NALCN: variants seen among roughly 807,000 people sequenced by gnomAD.
NALCN encodes the protein sodium leak channel, non-selective.
In NALCN, 111 loss-of-function variants were observed where a neutral mutation model predicts 225.3. That is an observed-to-expected ratio of 0.49 (90% CI 0.42 to 0.58). NALCN has a LOEUF of 0.58. Among genes scored for constraint, NALCN ranks in the 20% least tolerant of loss-of-function variants. The probability of loss-of-function intolerance (pLI) is 0.00; values close to 1 mark genes in which losing one functional copy is unlikely to be tolerated. For synonymous variants in NALCN, 764 were observed against 769.0 expected, an observed-to-expected ratio of 0.99 and a Z score of 0.11; for missense variants, 1,378 against 2,202.4, an observed-to-expected ratio of 0.63 and a Z score of 7.49.
At chr13:101,261,091 G>T (rs1022754697) in intron 10 of NALCN, among the ~76,000 whole-genome samples, 1 of 152,010 alleles carries the variant, frequency 6.6e-6, no homozygotes, top group Non-Finnish European at 1.5e-5. Context: ...TCTGCATATG[G>T]ATGTCCAGGA....
intron 13 of NALCN, among the ~76,000 whole-genome samples, chr13:101,208,597 C>T (rs1365959458): frequency 6.6e-6 from 1 of 152,118 alleles, no homozygotes; most frequent in Non-Finnish European, 1.5e-5. Context: ...TTTCCAAATC[C>T]CATGTTGAAA....
intron 13 of NALCN, among the ~76,000 whole-genome samples, chr13:101,210,161 A>G (rs4318075): frequency 0.63 from 95,652 of 151,990 alleles, 31,092 homozygotes; most frequent in African/African-American, 0.8. Flanking sequence ...ATTTGCTTAG[A>G]GGGGGTCCCT....
At chr13:101,338,983 T>C (rs2045472694) in intron 7 of NALCN, among the ~76,000 whole-genome samples, 1 of 152,214 alleles carries the variant, frequency 6.6e-6, no homozygotes, top group African/African-American at 2.4e-5. Context: ...GACTGCATTA[T>C]CTGTTCCAGC....
At chr13:101,185,308 C>T (rs1440195343) in intron 14 of NALCN, among the ~76,000 whole-genome samples, 1 of 152,208 alleles carries the variant, frequency 6.6e-6, no homozygotes, top group Non-Finnish European at 1.5e-5. Flanking sequence ...GCTGCCACTA[C>T]CGAGGCAAAA....
At chr13:101,150,174 C>T (rs9513858) in intron 15 of NALCN, among the ~76,000 whole-genome samples, 115,280 of 151,592 alleles carry the variant, frequency 0.76, 44,140 homozygotes, top group East Asian at 1. Flanking sequence ...CTCCATTCCA[C>T]GTGGAGGAAG....
rs555083052 is a variant in NALCN at position 101,236,476 on chromosome 13, C to T, written c.1434+1279G>A. The stretch of plus-strand genomic sequence containing the variant: ...GACACATGCACACGTATGTTTATTG[C>T]GGCACTCTTCACAATAGGAAAGACT... On this transcript the variant is annotated intron_variant, in intron 12 of 43. Transcript: ENST00000251127. Among the ~76,000 whole-genome samples the T allele has an allele frequency of 5.1e-4, 77 of 151,944 alleles. 1 individual carries two copies. Among genetic ancestry groups the T allele is most frequent in the Non-Finnish European group, 2.5e-4 (17 of 67,998 alleles).
intron 14 of NALCN, among the ~76,000 whole-genome samples, chr13:101,191,589 T>C (rs757721116): frequency 1.1e-4 from 17 of 152,296 alleles, no homozygotes; most frequent in Non-Finnish European, 1.3e-4. Context: ...AAAATAATAA[T>C]GGAGTTCCGG....
In NALCN at chr13:101,278,526, A is replaced by C. The variant is rs1340996740; in HGVS notation, c.1134+5407T>G. Among the ~76,000 whole-genome samples the C allele has an allele frequency of 3.4e-5, 3 of 87,746 alleles. No homozygotes were observed. In the Admixed American group the frequency reaches 3.4e-4, roughly 10 times the overall value. The allele number at this position is 87,746 out of a possible 152,430, so 57.6% of individuals were successfully genotyped here. A position where few individuals can be genotyped will look rare whatever the true frequency, so the allele number is the denominator to read the frequency against. ...CAGGAGAGTGAGACTCTGTCTCAAA[A>C]AAAAAAAAAAAAAAAAAAAAGAATG... On this transcript the variant is annotated intron_variant, in intron 10 of 43. Transcript: ENST00000251127.
At position 101,169,299 on chromosome 13, in the gene NALCN, G is replaced by C. The variant is rs1159076615; in HGVS notation, c.1839+7001C>G. ...CAACTGTAAAAGAGATAACTCAGTT[G>C]ATCTCAGCCTATCTTAGCCTATGCC... On this transcript the variant is annotated intron_variant, in intron 15 of 43. Coordinates refer to ENST00000251127, the MANE Select transcript of NALCN (RefSeq NM_052867.4). Among the ~76,000 whole-genome samples the C allele has an allele frequency of 2.0e-4, 30 of 152,142 alleles. 1 individual carries two copies. The highest frequency in any genetic ancestry group is 1.8e-3 in the Admixed American group (28 of 15,264).
At chr13:101,231,255 A>G (rs2041335553) in intron 12 of NALCN, among the ~76,000 whole-genome samples, 1 of 151,980 alleles carries the variant, frequency 6.6e-6, no homozygotes, top group Admixed American at 6.6e-5. Context: ...GCATACTCAC[A>G]TTTGCAAAAA....
At chr13:101,113,822 A>G (rs2035565894) in intron 18 of NALCN, among the ~76,000 whole-genome samples, 1 of 152,204 alleles carries the variant, frequency 6.6e-6, no homozygotes, top group Admixed American at 6.5e-5. Context: ...AGCTTGTTTA[A>G]CGCTCATGGC....
At chr13:101,164,483 G>T (rs986637425) in intron 15 of NALCN, among the ~76,000 whole-genome samples, 3 of 152,004 alleles carry the variant, frequency 2.0e-5, no homozygotes, top group South Asian at 4.2e-4. Flanking sequence ...AGAGATGAGG[G>T]TCTCACTATA....
At chr13:101,410,746 A>G (rs2139555955) in intron 1 of NALCN, among the ~76,000 whole-genome samples, 1 of 152,310 alleles carries the variant, frequency 6.6e-6, no homozygotes, top group African/African-American at 2.4e-5. Context: ...GAAGCAAAGG[A>G]TTTACCCTGT....
intron 7 of NALCN, among the ~76,000 whole-genome samples, chr13:101,338,056 T>C (rs2045439270): frequency 6.6e-6 from 1 of 152,204 alleles, no homozygotes; most frequent in African/African-American, 2.4e-5. Context: ...ATACCAACAG[T>C]TGTCCTAAGT....
intron 34 of NALCN, among the ~76,000 whole-genome samples, chr13:101,078,822 G>A (rs1187853922): frequency 6.6e-6 from 1 of 152,102 alleles, no homozygotes; most frequent in Admixed American, 6.5e-5. Context: ...AGAATGATAT[G>A]GTTTAACTGT....
intron 7 of NALCN, among the ~76,000 whole-genome samples, chr13:101,302,007 T>C (rs1480573182): frequency 6.6e-6 from 1 of 152,186 alleles, no homozygotes; most frequent in Non-Finnish European, 1.5e-5. Flanking sequence ...GAGGGTCTTT[T>C]AGTTTTGTCA....
At chr13:101,217,333 T>C (rs1018599452) in intron 13 of NALCN, among the ~76,000 whole-genome samples, 11 of 152,220 alleles carry the variant, frequency 7.2e-5, no homozygotes, top group Admixed American at 2.0e-4. Context: ...TCATACAATA[T>C]ATTCATCCCA....
At chr13:101,234,004 G>A (rs1287100773) in intron 12 of NALCN, among the ~76,000 whole-genome samples, 1 of 152,150 alleles carries the variant, frequency 6.6e-6, no homozygotes, top group Non-Finnish European at 1.5e-5. Context: ...CACCTGGAAT[G>A]CTTCCCCTCA....
At chr13:101,283,857 G>A in intron 10 of NALCN, 76 bp downstream of exon 10, 1 of 1,237,064 alleles carries the variant, frequency 8.1e-7, no homozygotes, top group East Asian at 2.5e-5. Context: ...AGCTTAAAGA[G>A]CTGTGGATTT....
Sources: gnomAD v4.1 joint callset for allele counts (sites outside exome capture counted in the v4.1 genomes callset) on GRCh38, gnomAD v4.1.1 for gene constraint, MANE v1.5 for transcripts, NCBI Gene and HGNC (gene_info 2026-07-23, HGNC 2026-07-21) for gene names.